KCNQ5: variants seen among roughly 807,000 people sequenced by gnomAD.
KCNQ5 encodes potassium voltage-gated channel subfamily Q member 5, also known as potassium voltage-gated channel subfamily KQT member 5.
In KCNQ5, 30 loss-of-function variants were observed where a neutral mutation model predicts 98.2. The observed-to-expected ratio is 0.31, with a 90% CI of 0.23 to 0.41. The LOEUF (loss-of-function observed/expected upper bound fraction) is 0.41, where lower values mean the gene tolerates loss of function less well. Among genes scored for constraint, KCNQ5 ranks in the 10% least tolerant of loss-of-function variants. The pLI is 1.00. For missense variants in KCNQ5, 835 were observed against 1,182.5 expected (o/e 0.71, Z 4.31); for synonymous variants, 458 against 449.4 (o/e 1.02, Z -0.24).
At position 72,900,328 on chromosome 6, in the gene KCNQ5, A is replaced by ATC. The variant is rs200785513; in HGVS notation, c.399-103579_399-103578insCT. 4.7e-3 allele frequency among the ~76,000 whole-genome samples: 694 copies of ATC among 147,934 alleles called. 11 individuals carry two copies. The highest frequency in any genetic ancestry group is 0.021 in the East Asian group (105 of 5,066). On this transcript the variant is annotated intron_variant, in intron 1 of 13. Coordinates refer to ENST00000370398, the MANE Select transcript of KCNQ5 (RefSeq NM_019842.4). ...AGTACATATATATATATCCCATCTC[A>ATC]TATATATATATATCTCATCCTATAT...
chr6:72,871,535 G>C (rs371922687), intron 1 of KCNQ5, among the ~76,000 whole-genome samples: 3 of 152,114 alleles, frequency 2.0e-5, no homozygotes, highest in Non-Finnish European at 2.9e-5. Flanking sequence ...ACTAAAGTTA[G>C]AGATTTATTT....
At chr6:73,112,832 C>T (rs938860653) in intron 7 of KCNQ5, among the ~76,000 whole-genome samples, 3 of 151,942 alleles carry the variant, frequency 2.0e-5, no homozygotes, top group African/African-American at 7.2e-5. Context: ...CTGTTTATAT[C>T]TAATCATTAA....
At chr6:72,915,574 T>C (rs558264210) in intron 1 of KCNQ5, among the ~76,000 whole-genome samples, 13 of 152,278 alleles carry the variant, frequency 8.5e-5, no homozygotes, top group South Asian at 2.1e-4. Context: ...ATATTTAAAT[T>C]TTAGAAAATG....
chr6:73,101,550 A>T (rs1460658213), intron 5 of KCNQ5, among the ~76,000 whole-genome samples: 4 of 152,232 alleles, frequency 2.6e-5, no homozygotes, highest in Non-Finnish European at 5.9e-5. Flanking sequence ...AAACAAATTC[A>T]GTCAAGTTGC....
At chr6:72,831,564 C>T (rs1193672874) in intron 1 of KCNQ5, among the ~76,000 whole-genome samples, 5 of 142,182 alleles carry the variant, frequency 3.5e-5, no homozygotes, top group African/African-American at 1.3e-4. Context: ...GAACATCACA[C>T]ACCGGGGCCT....
At chr6:73,168,208 T>G (rs1338840003) in intron 10 of KCNQ5, among the ~76,000 whole-genome samples, 1 of 152,168 alleles carries the variant, frequency 6.6e-6, no homozygotes, top group African/African-American at 2.4e-5. Flanking sequence ...ACACACAAAC[T>G]GCATTACAAA....
intron 7 of KCNQ5, among the ~76,000 whole-genome samples, chr6:73,112,450 A>G (rs977645056): frequency 6.6e-6 from 1 of 150,846 alleles, no homozygotes; most frequent in South Asian, 2.1e-4. Context: ...GGTTCACGCC[A>G]TTCTCCTGCC....
chr6:72,657,051 A>G (rs1766231175), intron 1 of KCNQ5, among the ~76,000 whole-genome samples: 1 of 152,184 alleles, frequency 6.6e-6, no homozygotes. Context: ...AAAATAAAAA[A>G]TAGAAAACAT....
intron 1 of KCNQ5, among the ~76,000 whole-genome samples, chr6:72,664,833 T>C (rs954387694): frequency 1.3e-5 from 2 of 152,136 alleles, no homozygotes; most frequent in African/African-American, 4.8e-5. Context: ...GTGAGTTAAA[T>C]AAATACAAAA....
chr6:72,672,530 A>G (rs1253191943), intron 1 of KCNQ5, among the ~76,000 whole-genome samples: 2 of 152,222 alleles, frequency 1.3e-5, no homozygotes, highest in Non-Finnish European at 2.9e-5. Flanking sequence ...TTTTAAAAAT[A>G]AAAGTATATA....
At chr6:72,897,167 T>A (rs1254268961) in intron 1 of KCNQ5, among the ~76,000 whole-genome samples, 2 of 152,036 alleles carry the variant, frequency 1.3e-5, no homozygotes, top group Non-Finnish European at 2.9e-5. Flanking sequence ...TGGACCACTT[T>A]GGGGCCCAGG....
intron 1 of KCNQ5, among the ~76,000 whole-genome samples, chr6:72,631,018 AG>A (rs2098920520): frequency 1.3e-5 from 2 of 152,238 alleles, no homozygotes; most frequent in Admixed American, 1.3e-4. Flanking sequence ...AGTGGTAGGA[AG>A]GATGGGGGAA....
At chr6:73,157,653 G>C in intron 10 of KCNQ5, 1 of 775,458 alleles carries the variant, frequency 1.3e-6, no homozygotes, top group Non-Finnish European at 2.4e-6. Flanking sequence ...GCTGGGGTCA[G>C]CTCTGTGGTG....
chr6:72,831,757 G>GA (rs76358980), intron 1 of KCNQ5, among the ~76,000 whole-genome samples: 42,484 of 150,196 alleles, frequency 0.28, 6,283 homozygotes, highest in South Asian at 0.46. Context: ...AAAATTAACA[G>GA]AAAAAAAAAG....
chr6:72,951,845 A>G (rs868305324), intron 1 of KCNQ5, among the ~76,000 whole-genome samples: 4 of 152,332 alleles, frequency 2.6e-5, no homozygotes, highest in African/African-American at 9.6e-5. Flanking sequence ...TCATCCCTGA[A>G]GAGTGTAATG....
At chr6:72,668,220 A>G (rs1203882645) in intron 1 of KCNQ5, among the ~76,000 whole-genome samples, 1 of 152,180 alleles carries the variant, frequency 6.6e-6, no homozygotes, top group Non-Finnish European at 1.5e-5. Context: ...ATAAGTTCAA[A>G]ATTTTAAAAG....
chr6:73,013,907 G>A (rs936900980), intron 2 of KCNQ5, among the ~76,000 whole-genome samples: 1 of 152,096 alleles, frequency 6.6e-6, no homozygotes, highest in African/African-American at 2.4e-5. Flanking sequence ...TCACAAATGG[G>A]TATATCAATT....
chr6:72,755,994 A>G (rs575273127), intron 1 of KCNQ5, among the ~76,000 whole-genome samples: 1 of 152,236 alleles, frequency 6.6e-6, no homozygotes, highest in East Asian at 1.9e-4. Context: ...TCTTTCTCAT[A>G]AGCACCTCAC....
intron 3 of KCNQ5, 125 bp downstream of exon 3, chr6:73,042,187 A>G: frequency 1.8e-6 from 2 of 1,106,312 alleles, no homozygotes; most frequent in Non-Finnish European, 2.8e-6. Flanking sequence ...TGGACCGGGC[A>G]CTCTTGTGTC....
Sources: allele counts gnomAD v4.1 joint callset (sites outside exome capture counted in the v4.1 genomes callset), GRCh38; gene constraint gnomAD v4.1.1; transcripts MANE v1.5; gene names NCBI Gene and HGNC (gene_info 2026-07-23, HGNC 2026-07-21).